ALPK1: variants seen among roughly 807,000 people sequenced by gnomAD.
ALPK1 encodes alpha-protein kinase 1.
A neutral mutation model predicts 120.6 loss-of-function variants in ALPK1; 110 were observed. The ratio of observed to expected loss-of-function variants is 0.91; its 90% CI spans 0.78 to 1.07. The LOEUF (loss-of-function observed/expected upper bound fraction) is 1.07. ALPK1 is among the 50% of genes least tolerant of loss of function. ALPK1 has a pLI of 0.00. For synonymous variants in ALPK1, 582 were observed against 560.3 expected (o/e 1.04, Z -0.55); for missense variants, 1,498 against 1,483.9 (o/e 1.01, Z -0.16).
In ALPK1 at chr4:112,432,019, T is replaced by C. The variant is rs1734582898; in HGVS notation, c.2472T>C (p.Asn824=). The C allele has an allele frequency of 6.2e-7, 1 of 1,614,024 alleles. No homozygotes were observed. Among genetic ancestry groups the C allele is most frequent in the Non-Finnish European group, 8.5e-7 (1 of 1,179,926 alleles). The change falls in exon 11 of 16, where the codon AAT becomes AAC. Residue 824 remains asparagine, a synonymous_variant. Transcript: ENST00000650871. ...SMLPCSSFTP[N]WPVQNPDSRK... ...TGCCATGTAGCTCCTTCACCCCTAATTGGCCTGTTCAAAATCCTGACTCCA... is the reference window on the plus strand; with the variant it reads ...TGCCATGTAGCTCCTTCACCCCTAACTGGCCTGTTCAAAATCCTGACTCCA...
At position 112,305,424 on chromosome 4, in the gene ALPK1, A is replaced by C. The variant is rs533729325; in HGVS notation, c.-153+7955A>C. ...ATTTGTTTGTGTCCTCTTTTATTTCATTGAGCAGTGGTTTGTAGTTCTCCT... is the reference window on the plus strand; with the variant it reads ...ATTTGTTTGTGTCCTCTTTTATTTCCTTGAGCAGTGGTTTGTAGTTCTCCT... On this transcript the variant is annotated intron_variant, in intron 1 of 15. Coordinates refer to ENST00000650871, the MANE Select transcript of ALPK1 (RefSeq NM_025144.4). Among the ~76,000 whole-genome samples, 206 of 151,766 alleles carry C rather than the reference A, an allele frequency of 1.4e-3. 3 individuals are homozygous for C. The East Asian group carries it at 0.031, about 23-fold the overall frequency.
chr4:112,325,341 C>A (rs1729066890), intron 2 of ALPK1, among the ~76,000 whole-genome samples: 1 of 152,128 alleles, frequency 6.6e-6, no homozygotes, highest in Admixed American at 6.5e-5. Context: ...AACTACAAAT[C>A]AAAGATCATA....
chr4:112,363,599 A>G (rs1731009048), intron 2 of ALPK1, among the ~76,000 whole-genome samples: 1 of 152,214 alleles, frequency 6.6e-6, no homozygotes, highest in African/African-American at 2.4e-5. Flanking sequence ...CAGCAACACA[A>G]TAATAGTGAG....
intron 10 of ALPK1, 39 bp from the exon 11 acceptor site, chr4:112,430,409 C>T: frequency 6.6e-7 from 1 of 1,510,828 alleles, no homozygotes; most frequent in Non-Finnish European, 8.9e-7. Flanking sequence ...TTGCAGTTTT[C>T]AATTCAATAT....
At chr4:112,436,511 C>A (rs1360318132) in intron 12 of ALPK1, among the ~76,000 whole-genome samples, 3 of 152,174 alleles carry the variant, frequency 2.0e-5, no homozygotes, top group Non-Finnish European at 2.9e-5. Flanking sequence ...TGAAGTCATA[C>A]TGGAGTAGGG....
intron 4 of ALPK1, among the ~76,000 whole-genome samples, chr4:112,391,938 G>A (rs917242675): frequency 2.7e-5 from 4 of 149,940 alleles, no homozygotes; most frequent in Non-Finnish European, 5.9e-5. Flanking sequence ...TGCCTCTATA[G>A]AACAGAAGGC....
intron 5 of ALPK1, among the ~76,000 whole-genome samples, chr4:112,415,490 A>G (rs913753181): frequency 6.6e-6 from 1 of 152,170 alleles, no homozygotes; most frequent in Non-Finnish European, 1.5e-5. Context: ...ACAAAAAATT[A>G]GCCTGGTGTG....
At chr4:112,438,989 T>C (rs951369235) in intron 13 of ALPK1, among the ~76,000 whole-genome samples, 2 of 152,168 alleles carry the variant, frequency 1.3e-5, no homozygotes, top group East Asian at 3.8e-4. Flanking sequence ...TTAGCCCAAA[T>C]CTATCTTTAT....
intron 2 of ALPK1, among the ~76,000 whole-genome samples, chr4:112,318,418 A>T (rs2110541497): frequency 6.6e-6 from 1 of 152,358 alleles, no homozygotes; most frequent in East Asian, 1.9e-4. Flanking sequence ...TACTTATTGA[A>T]GGTGACACAG....
chr4:112,409,768 G>A (rs1390638740), intron 4 of ALPK1, among the ~76,000 whole-genome samples: 2 of 152,168 alleles, frequency 1.3e-5, no homozygotes, highest in Non-Finnish European at 2.9e-5. Context: ...AGTGGGGAAA[G>A]TGATAGAAAG....
chr4:112,303,309 G>A (rs1388318856), intron 1 of ALPK1, among the ~76,000 whole-genome samples: 1 of 151,996 alleles, frequency 6.6e-6, no homozygotes, highest in Non-Finnish European at 1.5e-5. Context: ...TATTCCACAG[G>A]CATCTCACTT....
Position 112,435,132 on chromosome 4 carries a change from T to C in ALPK1, c.3035-16T>C, listed in dbSNP as rs1286085660. On this transcript the variant is annotated splice_polypyrimidine_tract_variant and intron_variant, in intron 11 of 15. Coordinates refer to ENST00000650871, the MANE Select transcript of ALPK1 (RefSeq NM_025144.4). Reference sequence around the variant, plus strand: ...CTTTTGAAAATAAGATTCATTTTCATCTTTTTTTTTCCCAGGTGCTCTTTT... The same window carrying C: ...CTTTTGAAAATAAGATTCATTTTCACCTTTTTTTTTCCCAGGTGCTCTTTT... The C allele has an allele frequency of 6.3e-7, 1 of 1,596,268 alleles. No individual in the cohort carries two copies. The highest frequency in any genetic ancestry group is 8.5e-7 in the Non-Finnish European group (1 of 1,174,250).
chr4:112,371,175 T>C (rs1010972422), intron 2 of ALPK1, among the ~76,000 whole-genome samples: 1 of 152,216 alleles, frequency 6.6e-6, no homozygotes, highest in Non-Finnish European at 1.5e-5. Context: ...AAAGTCCTGA[T>C]ACTTTCCACG....
intron 2 of ALPK1, among the ~76,000 whole-genome samples, chr4:112,354,938 T>C (rs1403264395): frequency 6.6e-6 from 1 of 152,230 alleles, no homozygotes; most frequent in African/African-American, 2.4e-5. Context: ...ATCACCTTTT[T>C]AGGTTACACA....
intron 2 of ALPK1, among the ~76,000 whole-genome samples, chr4:112,361,791 G>A (rs1004316891): frequency 1.3e-5 from 2 of 152,178 alleles, no homozygotes; most frequent in Non-Finnish European, 2.9e-5. Context: ...CACAAAACCG[G>A]TGCACTAAAC....
rs890087975 is a variant in ALPK1, at chr4:112,356,755, T to C, written c.-100-20923T>C. 3 of 782,706 alleles carry C rather than the reference T, an allele frequency of 3.8e-6. No individual in the cohort carries two copies. In the Admixed American group the frequency reaches 5.2e-5, roughly 14 times the overall value. The allele number at this position is 782,706 out of a possible 1,614,324, so 48.5% of individuals were successfully genotyped here. ...GAAGCAAGCACGGAGTATGCCCTTA[T>C]TACCTGTCCCGGAACCTGAAGCAGC... is the stretch of plus-strand genomic sequence containing the variant. On this transcript the variant is annotated intron_variant, in intron 2 of 15. Coordinates refer to ENST00000650871, the MANE Select transcript of ALPK1 (RefSeq NM_025144.4).
chr4:112,427,580 C>T lies in ALPK1; in HGVS notation c.710C>T (p.Thr237Met), dbSNP rs1052954321. 1 of 1,613,644 alleles carries T rather than the reference C, an allele frequency of 6.2e-7. No homozygotes were observed. ...LPQPDKKGLS[T>M]SLGILADIFV... ...GTGTTTTTCTTACAGGGCCTCTCCA[C>T]GTCGCTAGGTATACTGGCAGACATC... The change falls in exon 9 of 16, where the codon ACG (threonine) becomes ATG (methionine). Residue 237 changes from threonine to methionine, a missense_variant. Physicochemically the swap from Thr to Met is moderately conservative, Grantham distance 81. Transcript: ENST00000650871.
chr4:112,440,952 C>A lies in ALPK1; in HGVS notation c.3574C>A (p.Leu1192Ile), dbSNP rs1735014099. 1.9e-6 allele frequency: 3 copies of A among 1,613,506 alleles called. No homozygotes were observed. Among genetic ancestry groups the A allele is most frequent in the African/African-American group, 2.7e-5 (2 of 74,844 alleles). The change falls in exon 15 of 16, where the codon CTC (leucine) becomes ATC (isoleucine). Residue 1192 changes from leucine (L) to isoleucine (I), a missense_variant. Leu to Ile is a conservative substitution (Grantham distance 5, BLOSUM62 2). Transcript: ENST00000650871. ...CGGTAATGGAAAAGGACTCATCTAC[C>A]TCACAGATCCCCAGATTCACTCCGT... ...VTGNGKGLIY[L>I]TDPQIHSVDQ... is the part of the protein sequence containing the mutation.
At chr4:112,414,212 C>A (rs1733626601) in intron 5 of ALPK1, 2 of 466,890 alleles carry the variant, frequency 4.3e-6, no homozygotes, top group Admixed American at 4.6e-5. Context: ...TATGAGAGGA[C>A]AGCAGTCTTG....
Sources: allele counts gnomAD v4.1 joint callset (sites outside exome capture counted in the v4.1 genomes callset), GRCh38; gene constraint gnomAD v4.1.1; transcripts MANE v1.5; gene names NCBI Gene and HGNC (gene_info 2026-07-23, HGNC 2026-07-21).